Variants in GRID2 observed in about 807,000 individuals in gnomAD.
GRID2 encodes the protein glutamate receptor ionotropic, delta-2.
GRID2 carries 33 observed loss-of-function variants against 114.8 expected under a neutral mutation model. The ratio of observed to expected loss-of-function variants is 0.29; its 90% confidence interval spans 0.22 to 0.38. The LOEUF is 0.38. GRID2 is among the 10% of genes least tolerant of loss of function. GRID2 has a pLI of 1.00. For synonymous variants in GRID2, 505 were observed against 449.9 expected, an observed-to-expected ratio of 1.12 and a Z score of -1.55; for missense variants, 1,184 against 1,257.7, an observed-to-expected ratio of 0.94 and a Z score of 0.89.
chr4:93,310,868 A>C (rs888650798), intron 8 of GRID2, among the ~76,000 whole-genome samples: 1 of 152,214 alleles, frequency 6.6e-6, no homozygotes, highest in African/African-American at 2.4e-5. Flanking sequence ...AATTTCCTGA[A>C]GCAAACAGTA....
intron 2 of GRID2, among the ~76,000 whole-genome samples, chr4:92,886,294 G>C (rs1321672584): frequency 6.6e-6 from 1 of 151,994 alleles, no homozygotes; most frequent in African/African-American, 2.4e-5. Flanking sequence ...ACTTAGTATA[G>C]ATCACCACAA....
intron 6 of GRID2, among the ~76,000 whole-genome samples, chr4:93,223,940 C>T (rs1745181056): frequency 6.6e-6 from 1 of 151,954 alleles, no homozygotes. Flanking sequence ...ATGGTTGTTT[C>T]AGAAGAAGAA....
intron 1 of GRID2, among the ~76,000 whole-genome samples, chr4:92,554,296 T>C (rs1212287570): frequency 6.6e-6 from 1 of 152,104 alleles, no homozygotes; most frequent in Non-Finnish European, 1.5e-5. Flanking sequence ...AACAGAGAAA[T>C]CGAGTAATAT....
chr4:93,720,564 T>G (rs1229117199), intron 14 of GRID2, among the ~76,000 whole-genome samples: 1 of 152,162 alleles, frequency 6.6e-6, no homozygotes, highest in Non-Finnish European at 1.5e-5. Flanking sequence ...TACTGAGAAT[T>G]TTGCACATAT....
chr4:93,616,118 C>T (rs556757290), intron 13 of GRID2, among the ~76,000 whole-genome samples: 37 of 152,214 alleles, frequency 2.4e-4, no homozygotes, highest in East Asian at 9.7e-4. Context: ...TTTTTCTGCA[C>T]ATTTTGAGGT....
At chr4:93,024,997 A>G (rs1022684804) in intron 2 of GRID2, among the ~76,000 whole-genome samples, 1 of 151,764 alleles carries the variant, frequency 6.6e-6, no homozygotes, top group Non-Finnish European at 1.5e-5. Flanking sequence ...ATAAGTGCAT[A>G]TTAGAGTACA....
At chr4:93,635,073 A>G (rs1277961226) in intron 14 of GRID2, among the ~76,000 whole-genome samples, 1 of 152,096 alleles carries the variant, frequency 6.6e-6, no homozygotes, top group Non-Finnish European at 1.5e-5. Flanking sequence ...TAAGAACCAT[A>G]CAACCTACAG....
intron 4 of GRID2, among the ~76,000 whole-genome samples, chr4:93,160,995 G>T (rs546009666): frequency 6.6e-6 from 1 of 151,936 alleles, no homozygotes; most frequent in African/African-American, 2.4e-5. Context: ...TCAGTCTAAA[G>T]AAATGATGTA....
At chr4:93,651,789 A>G (rs1019258862) in intron 14 of GRID2, among the ~76,000 whole-genome samples, 1 of 152,186 alleles carries the variant, frequency 6.6e-6, no homozygotes, top group African/African-American at 2.4e-5. Context: ...CCATTTAACA[A>G]GTATTTGTTA....
chr4:92,843,014 G>T (rs1272589410), intron 2 of GRID2, among the ~76,000 whole-genome samples: 2 of 152,220 alleles, frequency 1.3e-5, no homozygotes, highest in Non-Finnish European at 2.9e-5. Context: ...CAAGGCTGGA[G>T]GATCATTTGA....
intron 9 of GRID2, among the ~76,000 whole-genome samples, chr4:93,414,388 A>G (rs1240658041): frequency 6.6e-6 from 1 of 152,058 alleles, no homozygotes; most frequent in African/African-American, 2.4e-5. Flanking sequence ...AGCTGACATC[A>G]TCATAGTGGC....
intron 2 of GRID2, among the ~76,000 whole-genome samples, chr4:92,926,601 G>A (rs1262705804): frequency 1.3e-5 from 2 of 151,868 alleles, no homozygotes; most frequent in African/African-American, 4.8e-5. Context: ...GTAAATAAAT[G>A]ATTATTTATT....
chr4:92,651,069 A>G (rs1170742343), intron 2 of GRID2, among the ~76,000 whole-genome samples: 1 of 152,116 alleles, frequency 6.6e-6, no homozygotes, highest in Non-Finnish European at 1.5e-5. Flanking sequence ...GATCAGAAAC[A>G]ATGCTGTGTA....
chr4:93,425,628 C>T (rs905934961), intron 10 of GRID2, among the ~76,000 whole-genome samples: 95 of 152,156 alleles, frequency 6.2e-4, no homozygotes, highest in Non-Finnish European at 5.6e-4. Flanking sequence ...TAGGGGTCAG[C>T]TAAGGATTTT....
chr4:93,416,042 T>C (rs1767670035), intron 9 of GRID2, among the ~76,000 whole-genome samples: 2 of 152,022 alleles, frequency 1.3e-5, no homozygotes, highest in African/African-American at 4.8e-5. Flanking sequence ...ATCCCTCTTT[T>C]TAAAAATGTT....
At chr4:93,267,185 AT>A (rs1750941094) in intron 8 of GRID2, among the ~76,000 whole-genome samples, 1 of 62,820 alleles carries the variant, frequency 1.6e-5, no homozygotes, top group Non-Finnish European at 2.9e-5. Context: ...TTTTAATTTT[AT>A]TATTTTTTTT....
chr4:92,825,695 T>C (rs1252841208), intron 2 of GRID2, among the ~76,000 whole-genome samples: 2 of 152,050 alleles, frequency 1.3e-5, no homozygotes, highest in African/African-American at 4.8e-5. Flanking sequence ...GAGAGCCACC[T>C]CCGCCCCCAA....
intron 14 of GRID2, among the ~76,000 whole-genome samples, chr4:93,679,954 CAA>C (rs1289829561): frequency 1.3e-5 from 2 of 150,362 alleles, no homozygotes; most frequent in African/African-American, 2.5e-5. Context: ...AAATAGAGAC[CAA>C]AAAAACCTTT....
chr4:92,800,370 G>A (rs2149371457), intron 2 of GRID2, among the ~76,000 whole-genome samples: 1 of 152,016 alleles, frequency 6.6e-6, no homozygotes, highest in South Asian at 2.1e-4. Flanking sequence ...ACTCGAAGAG[G>A]TAGCCTTGGG....
Sources: gnomAD v4.1 joint callset for allele counts (sites outside exome capture counted in the v4.1 genomes callset) on GRCh38, gnomAD v4.1.1 for gene constraint, MANE v1.5 for transcripts, NCBI Gene and HGNC (gene_info 2026-07-23, HGNC 2026-07-21) for gene names.